The following NRXN1 variants were observed in gnomAD, a reference collection of about 807,000 sequenced individuals.
The protein encoded by NRXN1 is neurexin 1, also known as neurexin-1.
In NRXN1, 39 loss-of-function variants were observed where a neutral mutation model predicts 150.9. The ratio of observed to expected loss-of-function variants is 0.26; its 90% CI spans 0.20 to 0.34. The LOEUF (loss-of-function observed/expected upper bound fraction) is 0.34. Among genes scored for constraint, NRXN1 ranks in the 10% least tolerant of loss-of-function variants. The probability of loss-of-function intolerance (pLI) is 1.00; values close to 1 mark genes in which losing one functional copy is unlikely to be tolerated. For synonymous variants in NRXN1, 924 were observed against 757.0 expected (o/e 1.22, Z -3.62); for missense variants, 1,815 against 1,949.9 (o/e 0.93, Z 1.30).
At chr2:50,681,985 A>T (rs746273698) in intron 5 of NRXN1, among the ~76,000 whole-genome samples, 2 of 152,178 alleles carry the variant, frequency 1.3e-5, no homozygotes, top group East Asian at 3.9e-4. Flanking sequence ...AAATCCACCT[A>T]TCAAGGATTC....
chr2:50,310,582 T>A (rs2075091000), intron 17 of NRXN1, among the ~76,000 whole-genome samples: 1 of 152,168 alleles, frequency 6.6e-6, no homozygotes. Context: ...TATTAAAGAA[T>A]AATAAATCAA....
intron 15 of NRXN1, among the ~76,000 whole-genome samples, chr2:50,474,350 G>C (rs2089789797): frequency 6.6e-6 from 1 of 151,786 alleles, no homozygotes. Flanking sequence ...GAAAAGTAAA[G>C]CTTTCCTACT....
intron 5 of NRXN1, among the ~76,000 whole-genome samples, chr2:50,811,482 A>T (rs985164667): frequency 6.6e-6 from 1 of 152,030 alleles, no homozygotes; most frequent in Admixed American, 6.6e-5. Context: ...TTTTATCTCA[A>T]CTTAGGTGGG....
chr2:50,257,908 T>C (rs896194653), intron 17 of NRXN1, among the ~76,000 whole-genome samples: 1 of 151,982 alleles, frequency 6.6e-6, no homozygotes, highest in East Asian at 1.9e-4. Flanking sequence ...TTTTTTGGTT[T>C]CCCAGTGCAT....
intron 2 of NRXN1, among the ~76,000 whole-genome samples, chr2:51,012,749 T>C (rs543956445): frequency 6.6e-6 from 1 of 152,054 alleles, no homozygotes; most frequent in African/African-American, 2.4e-5. Flanking sequence ...GGGTCAAAGA[T>C]GAGGCTAGAT....
chr2:51,027,008 C>T (rs1456801905), intron 2 of NRXN1, among the ~76,000 whole-genome samples: 1 of 152,180 alleles, frequency 6.6e-6, no homozygotes, highest in African/African-American at 2.4e-5. Flanking sequence ...TGACCAGAAC[C>T]ACGTGGGGAT....
At chr2:50,003,143 C>T (rs530256702) in intron 21 of NRXN1, among the ~76,000 whole-genome samples, 34 of 152,114 alleles carry the variant, frequency 2.2e-4, no homozygotes, top group African/African-American at 7.5e-4. Context: ...GATGAGAATA[C>T]CCTGATTAAT....
At chr2:50,307,451 G>C (rs1474034256) in intron 17 of NRXN1, among the ~76,000 whole-genome samples, 1 of 152,110 alleles carries the variant, frequency 6.6e-6, no homozygotes, top group African/African-American at 2.4e-5. Flanking sequence ...AAGTGGGAAG[G>C]CTCCATTTGA....
chr2:50,146,137 T>C (rs1393194006), intron 18 of NRXN1, among the ~76,000 whole-genome samples: 1 of 151,642 alleles, frequency 6.6e-6, no homozygotes, highest in Non-Finnish European at 1.5e-5. Flanking sequence ...CGGGTTAAAC[T>C]GGCAGTTATA....
At chr2:50,239,058 T>C (rs926027000) in intron 17 of NRXN1, among the ~76,000 whole-genome samples, 1 of 106,934 alleles carries the variant, frequency 9.4e-6, no homozygotes, top group Non-Finnish European at 2.1e-5. Flanking sequence ...ATCCCAGGGC[T>C]TTCCTGAGCC....
chr2:50,357,661 C>T (rs770627859), intron 17 of NRXN1, among the ~76,000 whole-genome samples: 2 of 151,988 alleles, frequency 1.3e-5, no homozygotes, highest in African/African-American at 2.4e-5. Flanking sequence ...GGCAAATTTC[C>T]GATTTTCTGT....
intron 8 of NRXN1, among the ~76,000 whole-genome samples, chr2:50,566,879 A>C (rs541975287): frequency 6.6e-6 from 1 of 151,968 alleles, no homozygotes; most frequent in African/African-American, 2.4e-5. Flanking sequence ...ACACTTTCTC[A>C]ATCTCATCAT....
chr2:51,027,803 C>G lies in NRXN1; in HGVS notation c.471G>C (p.Gly157=), dbSNP rs1204169263. The G allele has an allele frequency of 6.2e-7, 1 of 1,612,904 alleles. No homozygotes were observed. The highest frequency in any genetic ancestry group is 8.5e-7 in the Non-Finnish European group (1 of 1,179,530). Reference sequence around the variant, plus strand: ...CCGCGGCGCGCAGTTCCGGGGGCAGCCCCCCGACGAAAAGGCCGCTGAACA... The same window carrying G: ...CCGCGGCGCGCAGTTCCGGGGGCAGGCCCCCGACGAAAAGGCCGCTGAACA... ...MTVFSGLFVG[G]LPPELRAAAL... Residue 157 remains glycine, a synonymous_variant, in exon 2 of 23, where the codon GGG becomes GGC. Transcript: ENST00000401669.
chr2:50,835,318 A>G (rs966139526), intron 5 of NRXN1, among the ~76,000 whole-genome samples: 2 of 152,192 alleles, frequency 1.3e-5, no homozygotes, highest in Non-Finnish European at 1.5e-5. Flanking sequence ...CAGGCAAACT[A>G]AAAGGCCTAC....
chr2:49,954,146 G>A (rs1674498154), intron 21 of NRXN1, among the ~76,000 whole-genome samples: 1 of 152,102 alleles, frequency 6.6e-6, no homozygotes, highest in African/African-American at 2.4e-5. Context: ...TTATTTTAAT[G>A]TCCTGAAATC....
chr2:50,300,907 G>A (rs2152954397), intron 17 of NRXN1, among the ~76,000 whole-genome samples: 1 of 152,216 alleles, frequency 6.6e-6, no homozygotes, highest in Admixed American at 6.6e-5. Flanking sequence ...TGTTGGCCAG[G>A]CTGGTCTCGA....
intron 5 of NRXN1, among the ~76,000 whole-genome samples, chr2:50,691,523 G>A (rs546356981): frequency 1.3e-5 from 2 of 152,010 alleles, no homozygotes; most frequent in Admixed American, 6.6e-5. Context: ...TTCATCTGTG[G>A]AAACAATACA....
At chr2:50,404,493 GAC>G (rs1254040652) in intron 17 of NRXN1, among the ~76,000 whole-genome samples, 1 of 152,026 alleles carries the variant, frequency 6.6e-6, no homozygotes, top group Non-Finnish European at 1.5e-5. Flanking sequence ...TACAATTTAA[GAC>G]ACAAAGAGTT....
At chr2:50,681,961 A>T (rs1690474432) in intron 5 of NRXN1, among the ~76,000 whole-genome samples, 1 of 152,226 alleles carries the variant, frequency 6.6e-6, no homozygotes, top group African/African-American at 2.4e-5. Context: ...TCTATAAAAC[A>T]GAAACTGATA....
Sources: gnomAD v4.1 joint callset for allele counts (sites outside exome capture counted in the v4.1 genomes callset) on GRCh38, gnomAD v4.1.1 for gene constraint, MANE v1.5 for transcripts, NCBI Gene and HGNC (gene_info 2026-07-23, HGNC 2026-07-21) for gene names.